Variants in RBM19 observed in about 807,000 individuals in gnomAD.
RBM19 encodes the protein RNA binding motif protein 19, also known as probable RNA-binding protein 19.
A neutral mutation model predicts 116.8 loss-of-function variants in RBM19; 94 were observed. The ratio of observed to expected loss-of-function variants is 0.80; its 90% CI spans 0.68 to 0.95. RBM19 has a LOEUF of 0.95. Among genes scored for constraint, RBM19 ranks in the 40% least tolerant of loss-of-function variants. The pLI is 0.00. For synonymous variants in RBM19, 475 were observed against 494.1 expected, an observed-to-expected ratio of 0.96 and a Z score of 0.51; for missense variants, 1,161 against 1,220.7, an observed-to-expected ratio of 0.95 and a Z score of 0.73.
chr12:113,823,355 GA>G, intron 23 of RBM19, 34 bp from the exon 24 acceptor site: 1 of 1,584,150 alleles, frequency 6.3e-7, no homozygotes, highest in Non-Finnish European at 8.6e-7. Context: ...GAGGAGAAAA[GA>G]ACAGCCGAGA....
At position 113,903,867 on chromosome 12, in the gene RBM19, C is replaced by T. The variant is rs1881872191; in HGVS notation, c.2558+11102G>A. Among the ~76,000 whole-genome samples the T allele has an allele frequency of 6.6e-6, 1 of 152,096 alleles. No individual in the cohort carries two copies. Among genetic ancestry groups the T allele is most frequent in the Non-Finnish European group, 1.5e-5 (1 of 68,024 alleles). ...AAGAGGACATACTTACTCACTTTAC[C>T]CGTTAAAAGACAGATTTAAGATGTG... On this transcript the variant is annotated intron_variant, in intron 21 of 23. Coordinates refer to ENST00000261741, the MANE Select transcript of RBM19 (RefSeq NM_016196.4). The surrounding 1 kb of genome is among the most constrained non-coding windows in gnomAD (Gnocchi z 5.1).
chr12:113,941,072 T>A (rs1870531021), intron 14 of RBM19, among the ~76,000 whole-genome samples: 1 of 152,224 alleles, frequency 6.6e-6, no homozygotes, highest in African/African-American at 2.4e-5. Context: ...TATCTGGGAA[T>A]AAGTCTTAGC....
At position 113,902,532 on chromosome 12, in the gene RBM19, G is replaced by A. The variant is rs57536944; in HGVS notation, c.2558+12437C>T. Among the ~76,000 whole-genome samples, 638 of 149,336 alleles carry A rather than the reference G, an allele frequency of 4.3e-3. 6 individuals carry two copies. The highest frequency in any genetic ancestry group is 0.014 in the African/African-American group (577 of 40,566). ...GAGGATCCCTTGAGCCCAGGAGTTTGAGGCTTCAGTGAGCAATGATTACAC... is the reference window on the plus strand; with the variant it reads ...GAGGATCCCTTGAGCCCAGGAGTTTAAGGCTTCAGTGAGCAATGATTACAC... On this transcript the variant is annotated intron_variant, in intron 21 of 23. Transcript: ENST00000261741.
intron 23 of RBM19, among the ~76,000 whole-genome samples, chr12:113,837,100 T>TACATACAG (rs1281531665): frequency 7.7e-6 from 1 of 129,174 alleles, no homozygotes; most frequent in Non-Finnish European, 1.6e-5. Context: ...CATACATACA[T>TACATACAG]ACATACATAC....
At chr12:113,875,270 C>G (rs1290968441) in intron 21 of RBM19, among the ~76,000 whole-genome samples, 1 of 152,222 alleles carries the variant, frequency 6.6e-6, no homozygotes, top group Non-Finnish European at 1.5e-5. Context: ...AACAATAAAA[C>G]AAGCCGAGCT....
rs1347874593 is a variant in RBM19 at position 113,872,431 on chromosome 12, T to C, written c.2559-13535A>G. On this transcript the variant is annotated intron_variant, in intron 21 of 23. Coordinates refer to ENST00000261741, the MANE Select transcript of RBM19 (RefSeq NM_016196.4). ...CCTCCGCCCGGCCAGCCGCCCCGTC[T>C]GGGAGGTGAGGGGCGCCTCTGCTCG... is the stretch of plus-strand genomic sequence containing the variant. Among the ~76,000 whole-genome samples the C allele has an allele frequency of 3.6e-3, 417 of 117,290 alleles. 3 individuals are homozygous for C. The highest frequency in any genetic ancestry group is 5.3e-3 in the South Asian group (17 of 3,180). 76.9% of individuals were successfully genotyped at this position (117,290 alleles called of 152,430 possible). A position where few individuals can be genotyped will look rare whatever the true frequency, so the allele number is the denominator to read the frequency against.
intron 21 of RBM19, among the ~76,000 whole-genome samples, chr12:113,870,447 G>A (rs905726928): frequency 6.6e-6 from 1 of 152,244 alleles, no homozygotes; most frequent in African/African-American, 2.4e-5. Flanking sequence ...AGATGGCCTC[G>A]GGTTGCCTTG....
intron 21 of RBM19, among the ~76,000 whole-genome samples, chr12:113,904,352 A>G (rs1218403143): frequency 6.6e-6 from 1 of 152,216 alleles, no homozygotes; most frequent in Admixed American, 6.5e-5. Flanking sequence ...CCTTGAATTC[A>G]TAATAGGAAA....
chr12:113,877,654 A>G (rs1200870371), intron 21 of RBM19, among the ~76,000 whole-genome samples: 1 of 152,242 alleles, frequency 6.6e-6, no homozygotes, highest in Non-Finnish European at 1.5e-5. Context: ...CAGGATGGGT[A>G]TGAGCAGGCA....
chr12:113,942,368 G>C lies in RBM19; in HGVS notation c.1693C>G (p.Arg565Gly), dbSNP rs746667832. 1 of 1,609,104 alleles carries C rather than the reference G, an allele frequency of 6.2e-7. No individual in the cohort carries two copies. Among genetic ancestry groups the C allele is most frequent in the South Asian group, 1.1e-5 (1 of 91,066 alleles). Residue 565 changes from arginine to glycine, a missense_variant, in exon 14 of 24, where the codon CGT becomes GGT. Coordinates refer to ENST00000261741, the MANE Select transcript of RBM19 (RefSeq NM_016196.4). The part of the protein sequence containing the change: ...GETQLVQEVR[R>G]FLIDNGVSLD... ...CTGACCCCGTTGTCTATGAGAAAAC[G>C]CCGCACTTCCTGGACGAGCTGGGTT...
intron 21 of RBM19, among the ~76,000 whole-genome samples, chr12:113,877,993 A>C (rs1879791968): frequency 6.6e-6 from 1 of 152,214 alleles, no homozygotes. Context: ...TTTGGGGTAA[A>C]TACAATTTTA....
intron 19 of RBM19, among the ~76,000 whole-genome samples, chr12:113,919,953 T>C (rs1393327898): frequency 6.6e-6 from 1 of 152,036 alleles, no homozygotes; most frequent in Non-Finnish European, 1.5e-5. Flanking sequence ...GGCTGAGCAG[T>C]AAAATGGCCT....
At chr12:113,916,279 C>T (rs531640793) in intron 20 of RBM19, among the ~76,000 whole-genome samples, 4 of 152,078 alleles carry the variant, frequency 2.6e-5, no homozygotes, top group African/African-American at 4.8e-5. Flanking sequence ...TGGTGGCAGG[C>T]GCCTGTAATC....
At chr12:113,937,321 C>A in intron 15 of RBM19, 185 bp from the exon 16 acceptor site, 1 of 630,342 alleles carries the variant, frequency 1.6e-6, no homozygotes, top group Non-Finnish European at 2.6e-6. Context: ...AACATTCGGC[C>A]CCCATGCTGC....
chr12:113,933,303 G>T (rs1209332069), intron 16 of RBM19, among the ~76,000 whole-genome samples: 2 of 151,418 alleles, frequency 1.3e-5, no homozygotes, highest in Non-Finnish European at 2.9e-5. Flanking sequence ...TCGTACAACG[G>T]GGGAGTCGGG....
chr12:113,901,260 T>C (rs1881666917), intron 21 of RBM19, among the ~76,000 whole-genome samples: 2 of 152,280 alleles, frequency 1.3e-5, no homozygotes, highest in South Asian at 2.1e-4. Context: ...ATTGTCTATA[T>C]GGAGTATAAA....
chr12:113,953,319 CT>C (rs1181285468), intron 7 of RBM19, among the ~76,000 whole-genome samples: 1 of 152,164 alleles, frequency 6.6e-6, no homozygotes, highest in Non-Finnish European at 1.5e-5. Flanking sequence ...GAAACGCTGT[CT>C]CTACTAAAAA....
intron 16 of RBM19, among the ~76,000 whole-genome samples, chr12:113,929,418 AAAG>A (rs150000628): frequency 0.044 from 6,681 of 152,096 alleles, 454 homozygotes; most frequent in African/African-American, 0.15. Flanking sequence ...ACCAGCACAA[AAAG>A]AAGAAATCTA....
chr12:113,923,439 T>C (rs1406017596), intron 18 of RBM19, among the ~76,000 whole-genome samples: 2 of 152,200 alleles, frequency 1.3e-5, no homozygotes, highest in Admixed American at 6.5e-5. Flanking sequence ...TGGCACTTTC[T>C]TATGGCAGCC....
Sources: allele counts gnomAD v4.1 joint callset (sites outside exome capture counted in the v4.1 genomes callset), GRCh38; gene constraint gnomAD v4.1.1; non-coding constraint Gnocchi (gnomAD v3.1); transcripts MANE v1.5; gene names NCBI Gene and HGNC (gene_info 2026-07-23, HGNC 2026-07-21).